Variants in NPHP1 observed in about 807,000 individuals in gnomAD.
The protein encoded by NPHP1 is nephrocystin-1.
A neutral mutation model predicts 90.4 loss-of-function variants in NPHP1; 70 were observed. The ratio of observed to expected loss-of-function variants is 0.77; its 90% CI spans 0.64 to 0.95. The LOEUF is 0.95. Ranked by LOEUF, NPHP1 falls within the 40% of genes least tolerant of loss-of-function variation. The pLI is 0.00. For missense variants in NPHP1, 764 were observed against 795.9 expected (o/e 0.96, Z 0.48); for synonymous variants, 256 against 271.7 (o/e 0.94, Z 0.57).
chr2:110,155,957 G>T (rs1681856358), intron 11 of NPHP1, among the ~76,000 whole-genome samples: 1 of 152,098 alleles, frequency 6.6e-6, no homozygotes, highest in African/African-American at 2.4e-5. Flanking sequence ...GGGGAGGAAT[G>T]ATATGGTTTG....
chr2:110,127,024 CTGGAACAA>C (rs571269776), intron 18 of NPHP1: 7 of 152,592 alleles, frequency 4.6e-5, no homozygotes, highest in African/African-American at 1.7e-4. Flanking sequence ...TTCCTTTCTT[CTGGAACAA>C]AAAGAAGACT....
rs903701752 is a variant in NPHP1 at position 110,143,558 on chromosome 2, A to G, written c.1513T>C (p.Ser505Pro). ...GGTACCCACCTTAGTACATTTCTTG[A>G]TCTTCTGTTCAAGGATCTCAGTTTC... ...LVKLRSLNRRSRNVLSLLPET... is the reference protein window; with the variant it reads ...LVKLRSLNRRPRNVLSLLPET... The change falls in exon 16 of 20, where the codon TCA becomes CCA. Residue 505 changes from serine (S) to proline (P), a missense_variant. Physicochemically the swap from Ser to Pro is moderately conservative, Grantham distance 74. Coordinates refer to ENST00000445609, the MANE Select transcript of NPHP1 (RefSeq NM_001128178.3). The G allele has an allele frequency of 1.2e-6, 2 of 1,612,522 alleles. No homozygotes were observed. Among genetic ancestry groups the G allele is most frequent in the African/African-American group, 2.7e-5 (2 of 74,910 alleles).
chr2:110,199,023 GA>G (rs1335799966), intron 2 of NPHP1, among the ~76,000 whole-genome samples: 1 of 149,726 alleles, frequency 6.7e-6, no homozygotes, highest in Non-Finnish European at 1.5e-5. Context: ...AACTTAAGGA[GA>G]AAAAAAAAGC....
At chr2:110,189,291 C>T (rs1341486367) in intron 2 of NPHP1, among the ~76,000 whole-genome samples, 1 of 152,056 alleles carries the variant, frequency 6.6e-6, no homozygotes, top group East Asian at 1.9e-4. Context: ...GGCGGCGTGT[C>T]CAGAGTTTGT....
intron 4 of NPHP1, 141 bp from the exon 5 acceptor site, chr2:110,170,139 G>A: frequency 4.3e-6 from 5 of 1,171,080 alleles, no homozygotes; most frequent in Middle Eastern, 2.3e-4. Context: ...ACAAAGAACA[G>A]TTTCTACCAT....
At chr2:110,150,080 A>G (rs959243325) in intron 12 of NPHP1, 102 bp downstream of exon 12, 11 of 963,016 alleles carry the variant, frequency 1.1e-5, no homozygotes, top group Admixed American at 1.7e-5. Flanking sequence ...CAAAGAATCT[A>G]AAGATTTATA....
At chr2:110,176,226 C>G (rs1683497973) in intron 4 of NPHP1, among the ~76,000 whole-genome samples, 1 of 151,998 alleles carries the variant, frequency 6.6e-6, no homozygotes, top group Non-Finnish European at 1.5e-5. Context: ...ATTTTTGAGT[C>G]TATATGTTGA....
intron 17 of NPHP1, among the ~76,000 whole-genome samples, chr2:110,130,175 C>G (rs577952539): frequency 2.0e-4 from 30 of 152,310 alleles, no homozygotes; most frequent in Non-Finnish European, 3.4e-4. Flanking sequence ...AAAGGCCCCA[C>G]TTTTCAATAC....
chr2:110,174,817 C>CT (rs112745291), intron 4 of NPHP1, among the ~76,000 whole-genome samples: 372 of 133,132 alleles, frequency 2.8e-3, no homozygotes, highest in African/African-American at 5.1e-3. Context: ...CATTTTTGTG[C>CT]TTTTTTTTTT....
At chr2:110,175,243 G>A (rs1683426248) in intron 4 of NPHP1, among the ~76,000 whole-genome samples, 1 of 152,002 alleles carries the variant, frequency 6.6e-6, no homozygotes, top group Non-Finnish European at 1.5e-5. Flanking sequence ...ACATAATTGA[G>A]TGTCTTTCAA....
chr2:110,133,849 T>C (rs1246423224), intron 16 of NPHP1, among the ~76,000 whole-genome samples: 7 of 151,672 alleles, frequency 4.6e-5, no homozygotes, highest in African/African-American at 1.5e-4. Context: ...AAACACAACA[T>C]ACCAAAATTT....
chr2:110,150,294 G>T, intron 11 of NPHP1, 38 bp from the exon 12 acceptor site: 2 of 1,591,288 alleles, frequency 1.3e-6, no homozygotes, highest in Non-Finnish European at 1.7e-6. Context: ...CATGTAAAAA[G>T]CTCTTTGAAA....
chr2:110,190,650 C>T (rs372451620), intron 2 of NPHP1, among the ~76,000 whole-genome samples: 14 of 152,312 alleles, frequency 9.2e-5, no homozygotes, highest in African/African-American at 2.6e-4. Context: ...CACAGGGCAG[C>T]GGCAGGCTGA....
Position 110,179,653 on chromosome 2 carries a change from T to G in NPHP1, c.175A>C (p.Asn59His), listed in dbSNP as rs1215401547. The stretch of plus-strand genomic sequence containing the variant: ...CTTAATTTTTGAAGAGCATTTTTAT[T>G]TTCATCTATTGCCTGCTTTAACTGG... ...CIQLKQAIDE[N>H]KNALQKLSKA... The change falls in exon 3 of 20, where the codon AAT (asparagine) becomes CAT (histidine). Residue 59 changes from asparagine to histidine, a missense_variant. Physicochemically the swap from Asn to His is moderately conservative, Grantham distance 68 (BLOSUM62 1). Transcript: ENST00000445609. 2 of 1,385,324 alleles carry G rather than the reference T, an allele frequency of 1.4e-6. No homozygotes were observed. Among genetic ancestry groups the G allele is most frequent in the Non-Finnish European group, 1.0e-6 (1 of 977,212 alleles). The allele number at this position is 1,385,324 out of a possible 1,614,324, so 85.8% of individuals were successfully genotyped here.
At chr2:110,132,554 C>T (rs1175155189) in intron 16 of NPHP1, among the ~76,000 whole-genome samples, 2 of 152,006 alleles carry the variant, frequency 1.3e-5, no homozygotes, top group Non-Finnish European at 2.9e-5. Flanking sequence ...ACTCAGAGGC[C>T]AAGGCAGAAG....
At chr2:110,139,540 T>C (rs1040550284) in intron 16 of NPHP1, among the ~76,000 whole-genome samples, 2 of 152,222 alleles carry the variant, frequency 1.3e-5, no homozygotes, top group Non-Finnish European at 2.9e-5. Flanking sequence ...ATTCACATTT[T>C]CACAGGATTC....
intron 16 of NPHP1, among the ~76,000 whole-genome samples, chr2:110,142,852 G>A (rs1553483776): frequency 6.6e-6 from 1 of 152,134 alleles, no homozygotes; most frequent in Non-Finnish European, 1.5e-5. Context: ...TGGTAAAGTT[G>A]AAAAATCTTG....
Position 110,204,927 on chromosome 2 carries a change from C to T in NPHP1, c.42G>A (p.Arg14=). The T allele has an allele frequency of 6.2e-7, 1 of 1,614,028 alleles. No individual in the cohort carries two copies. The highest frequency in any genetic ancestry group is 2.2e-5 in the East Asian group (1 of 44,868). ...RRQRDPLQAL[R]RRNQELKQQV... is the part of the protein sequence containing the mutation. The stretch of plus-strand genomic sequence containing the variant: ...GTTGCTTCAGCTCCTGATTGCGGCG[C>T]CGCAGGGCCTGGAGAGGATCTCGCT... The change falls in exon 1 of 20, where the codon CGG becomes CGA. Residue 14 remains arginine, a synonymous_variant. Transcript: ENST00000445609.
At chr2:110,164,551 C>A (rs779083426) in intron 8 of NPHP1, 137 bp downstream of exon 8, 1 of 1,573,128 alleles carries the variant, frequency 6.4e-7, no homozygotes, top group African/African-American at 1.4e-5. Flanking sequence ...CAGAAATATA[C>A]GTCCTCTGCT....
Sources: gnomAD v4.1 joint callset for allele counts (sites outside exome capture counted in the v4.1 genomes callset) on GRCh38, gnomAD v4.1.1 for gene constraint, MANE v1.5 for transcripts, NCBI Gene and HGNC (gene_info 2026-07-23, HGNC 2026-07-21) for gene names.